Variants in SETBP1 observed in about 807,000 individuals in gnomAD.
The protein encoded by SETBP1 is SET binding protein 1.
In SETBP1, 9 loss-of-function variants were observed where a neutral mutation model predicts 101.0. The observed-to-expected ratio is 0.09, with a 90% CI of 0.05 to 0.16. SETBP1 has a LOEUF of 0.16. Among genes scored for constraint, SETBP1 ranks in the 10% least tolerant of loss-of-function variants. The probability of loss-of-function intolerance (pLI) is 1.00; values close to 1 mark genes in which losing one functional copy is unlikely to be tolerated. For missense variants in SETBP1, 1,858 were observed against 2,033.8 expected, an observed-to-expected ratio of 0.91 and a Z score of 1.66; for synonymous variants, 818 against 788.5, an observed-to-expected ratio of 1.04 and a Z score of -0.63.
chr18:44,691,929 C>G (rs1463212682), intron 1 of SETBP1, among the ~76,000 whole-genome samples: 1 of 152,162 alleles, frequency 6.6e-6, no homozygotes, highest in African/African-American at 2.4e-5. Flanking sequence ...GCCACCAGCT[C>G]TAAATGGTGG....
chr18:44,748,870 G>T (rs911680915), intron 2 of SETBP1, among the ~76,000 whole-genome samples: 4 of 152,158 alleles, frequency 2.6e-5, no homozygotes, highest in Non-Finnish European at 5.9e-5. Flanking sequence ...GATGTGGCAG[G>T]ACACACAAGT....
chr18:44,868,667 CG>C (rs2069183130), intron 2 of SETBP1, among the ~76,000 whole-genome samples: 13 of 87,210 alleles, frequency 1.5e-4, no homozygotes, highest in African/African-American at 5.7e-4. Context: ...TGTACTCCAG[CG>C]AGAGAGAGAG....
intron 5 of SETBP1, among the ~76,000 whole-genome samples, chr18:45,061,255 T>C (rs1043980600): frequency 1.2e-4 from 19 of 152,196 alleles, no homozygotes; most frequent in African/African-American, 4.3e-4. Context: ...GGAATACGAC[T>C]ACAAGGCCTG....
intron 3 of SETBP1, among the ~76,000 whole-genome samples, chr18:44,885,642 T>A (rs1049246307): frequency 6.6e-6 from 1 of 151,110 alleles, no homozygotes; most frequent in Non-Finnish European, 1.5e-5. Context: ...AATCGAGGAG[T>A]TAAAAATTGT....
chr18:44,940,543 A>G (rs2071064288), intron 3 of SETBP1, among the ~76,000 whole-genome samples: 1 of 151,892 alleles, frequency 6.6e-6, no homozygotes, highest in African/African-American at 2.4e-5. Flanking sequence ...TTTAATACTG[A>G]TTGCTGTAGA....
chr18:44,909,087 A>C (rs1322821135), intron 3 of SETBP1, among the ~76,000 whole-genome samples: 4 of 152,172 alleles, frequency 2.6e-5, no homozygotes, highest in Admixed American at 2.6e-4. Context: ...AGAATTCTAG[A>C]TGTGTAAAGG....
chr18:44,809,047 A>G (rs1398999102), intron 2 of SETBP1, among the ~76,000 whole-genome samples: 1 of 152,206 alleles, frequency 6.6e-6, no homozygotes, highest in African/African-American at 2.4e-5. Flanking sequence ...CCCAGTGAGA[A>G]TAGTGCCTTT....
Position 44,931,647 on chromosome 18 carries a change from G to A in SETBP1, c.541-18234G>A, listed in dbSNP as rs1172863139. ...CCTGTATTGGGTGCATATATATTTAGGATAGTTAGCTCTTCTTGTTGAGTT... is the reference window on the plus strand; with the variant it reads ...CCTGTATTGGGTGCATATATATTTAAGATAGTTAGCTCTTCTTGTTGAGTT... On this transcript the variant is annotated intron_variant, in intron 3 of 5. Coordinates refer to ENST00000649279, the MANE Select transcript of SETBP1 (RefSeq NM_015559.3). Among the ~76,000 whole-genome samples the A allele has an allele frequency of 6.6e-5, 10 of 152,252 alleles. No individual in the cohort carries two copies. The East Asian group carries it at 1.7e-3, about 26-fold the overall frequency.
chr18:44,992,778 A>T (rs1228008325), intron 4 of SETBP1, among the ~76,000 whole-genome samples: 1 of 152,064 alleles, frequency 6.6e-6, no homozygotes, highest in Non-Finnish European at 1.5e-5. Flanking sequence ...TTCCATTATT[A>T]CACAAACTTG....
At chr18:44,744,738 G>T (rs1286264285) in intron 2 of SETBP1, among the ~76,000 whole-genome samples, 2 of 149,874 alleles carry the variant, frequency 1.3e-5, no homozygotes, top group African/African-American at 4.9e-5. Flanking sequence ...GGAGCGCAGG[G>T]AGAGTCGCCT....
chr18:44,715,142 C>G (rs749157648), intron 2 of SETBP1, among the ~76,000 whole-genome samples: 2 of 152,134 alleles, frequency 1.3e-5, no homozygotes, highest in African/African-American at 2.4e-5. Context: ...GCTGGGGCAT[C>G]TTTAAGAAGA....
chr18:44,757,518 C>G (rs1219326030), intron 2 of SETBP1, among the ~76,000 whole-genome samples: 1 of 152,270 alleles, frequency 6.6e-6, no homozygotes, highest in South Asian at 2.1e-4. Flanking sequence ...GTATCCCCGG[C>G]CAGCCTCCAC....
intron 4 of SETBP1, among the ~76,000 whole-genome samples, chr18:45,030,558 A>G (rs1328094638): frequency 1.3e-5 from 2 of 148,148 alleles, no homozygotes; most frequent in East Asian, 3.9e-4. Flanking sequence ...CTCTTTTTCT[A>G]TTGATTGGAA....
In SETBP1 at chr18:44,899,517, A is replaced by G. The variant is rs111410091; in HGVS notation, c.540+30234A>G. On this transcript the variant is annotated intron_variant, in intron 3 of 5. Coordinates refer to ENST00000649279, the MANE Select transcript of SETBP1 (RefSeq NM_015559.3). ...GGAGAGAGCTCCAAGCCTTGGGACC[A>G]TACAGCTCAGGACTGGACTCACCAC... Among the ~76,000 whole-genome samples, 748 of 152,312 alleles carry G rather than the reference A, an allele frequency of 4.9e-3. 7 individuals are homozygous for G. The highest frequency in any genetic ancestry group is 0.017 in the African/African-American group (711 of 41,578).
chr18:45,023,621 GAGTTCGA>G (rs1354738909), intron 4 of SETBP1, among the ~76,000 whole-genome samples: 1 of 152,244 alleles, frequency 6.6e-6, no homozygotes, highest in Non-Finnish European at 1.5e-5. Context: ...AGCGTTCAGA[GAGTTCGA>G]AGTTAGTTAG....
At chr18:45,049,368 C>A (rs2073683658) in intron 5 of SETBP1, among the ~76,000 whole-genome samples, 1 of 152,156 alleles carries the variant, frequency 6.6e-6, no homozygotes, top group Non-Finnish European at 1.5e-5. Flanking sequence ...GGCAGGGTGA[C>A]TATTCTGACC....
At chr18:44,797,255 C>T (rs550423522) in intron 2 of SETBP1, among the ~76,000 whole-genome samples, 1 of 152,280 alleles carries the variant, frequency 6.6e-6, no homozygotes, top group South Asian at 2.1e-4. Flanking sequence ...TATATGTTGT[C>T]TCACATATGT....
At chr18:45,027,706 G>A (rs2073196683) in intron 4 of SETBP1, among the ~76,000 whole-genome samples, 1 of 152,160 alleles carries the variant, frequency 6.6e-6, no homozygotes, top group Non-Finnish European at 1.5e-5. Flanking sequence ...GGCACCAAAG[G>A]AAGTGTTCTT....
chr18:45,035,304 T>A (rs1468888832), intron 4 of SETBP1, among the ~76,000 whole-genome samples: 2 of 152,244 alleles, frequency 1.3e-5, no homozygotes, highest in Non-Finnish European at 2.9e-5. Context: ...TTTTTTAATT[T>A]GTTTTTGAAA....
Sources: gnomAD v4.1 joint callset for allele counts (sites outside exome capture counted in the v4.1 genomes callset) on GRCh38, gnomAD v4.1.1 for gene constraint, MANE v1.5 for transcripts, NCBI Gene and HGNC (gene_info 2026-07-23, HGNC 2026-07-21) for gene names.